Variants in NTSR2 observed in about 807,000 individuals in gnomAD.
NTSR2 encodes the protein neurotensin receptor type 2.
In NTSR2, 22 loss-of-function variants were observed where a neutral mutation model predicts 24.1. The observed-to-expected ratio is 0.91, with a 90% confidence interval of 0.65 to 1.30. NTSR2 has a LOEUF of 1.30. Ranked by LOEUF, NTSR2 falls within the 50% of genes most tolerant of loss-of-function variation. The pLI is 0.00. For missense variants in NTSR2, 570 were observed against 570.4 expected (o/e 1.00, Z 0.01); for synonymous variants, 291 against 267.0 (o/e 1.09, Z -0.88).
chr2:11,660,671 G>C (rs986744584), intron 2 of NTSR2, among the ~76,000 whole-genome samples: 1 of 152,134 alleles, frequency 6.6e-6, no homozygotes, highest in African/African-American at 2.4e-5. Context: ...AACCTGGAAG[G>C]AGGAGGTTGC....
intron 1 of NTSR2, among the ~76,000 whole-genome samples, chr2:11,663,063 A>T (rs1474083447): frequency 6.6e-6 from 1 of 152,240 alleles, no homozygotes; most frequent in African/African-American, 2.4e-5. Context: ...TTGTGAGAAA[A>T]ATGGCTTCCA....
intron 1 of NTSR2, 46 bp downstream of exon 1, chr2:11,669,460 G>GGGGGGGGGGGCCCCCCCCCCCCCC: frequency 7.9e-6 from 2 of 254,726 alleles, no homozygotes; most frequent in Non-Finnish European, 6.9e-6. Flanking sequence ...TCCCAGCACC[G>GGGGGGGGGGGCCCCCCCCCCCCCC]CCCCCCCACC....
intron 3 of NTSR2, among the ~76,000 whole-genome samples, chr2:11,659,756 C>G (rs939492206): frequency 6.6e-6 from 1 of 152,198 alleles, no homozygotes; most frequent in Non-Finnish European, 1.5e-5. Flanking sequence ...AAGCATGGCC[C>G]GTGCTCCCTC....
In NTSR2 at chr2:11,669,865, C is replaced by T. The variant is rs1201578378; in HGVS notation, c.265G>A (p.Val89Met). The change falls in exon 1 of 4, where the codon GTG becomes ATG. Residue 89 changes from valine (V) to methionine (M), a missense_variant. Coordinates refer to ENST00000306928, the MANE Select transcript of NTSR2 (RefSeq NM_012344.4). ...AACCACACGAAGCTGTAGAGCTCCACCGGCACGCCGACCAGCAGCAGCAGC... is the reference window on the plus strand; with the variant it reads ...AACCACACGAAGCTGTAGAGCTCCATCGGCACGCCGACCAGCAGCAGCAGC... The part of the protein sequence containing the change: ...GLLLLLVGVP[V>M]ELYSFVWFHY... The T allele has an allele frequency of 5.0e-6, 8 of 1,585,614 alleles. No individual in the cohort carries two copies. Among genetic ancestry groups the T allele is most frequent in the Middle Eastern group, 1.9e-4 (1 of 5,350 alleles).
At chr2:11,669,460 G>GGGGGGGGGGGGGGGCCCCCCCCCCC in intron 1 of NTSR2, 46 bp downstream of exon 1, 18 of 254,706 alleles carry the variant, frequency 7.1e-5, no homozygotes, top group Non-Finnish European at 9.0e-5. Flanking sequence ...TCCCAGCACC[G>GGGGGGGGGGGGGGGCCCCCCCCCCC]CCCCCCCACC....
At chr2:11,669,460 G>GGGGGGGGGGGGGGGGGGGCCCCCCCCCC in intron 1 of NTSR2, 46 bp downstream of exon 1, 1 of 254,726 alleles carries the variant, frequency 3.9e-6, no homozygotes, top group Non-Finnish European at 6.9e-6. Flanking sequence ...TCCCAGCACC[G>GGGGGGGGGGGGGGGGGGGCCCCCCCCCC]CCCCCCCACC....
At chr2:11,662,615 A>G (rs1419141721) in intron 1 of NTSR2, among the ~76,000 whole-genome samples, 3 of 152,176 alleles carry the variant, frequency 2.0e-5, no homozygotes, top group African/African-American at 7.2e-5. Context: ...CCCTGTCTCT[A>G]CTAAAAATAC....
At chr2:11,664,582 GT>G (rs1661154675) in intron 1 of NTSR2, among the ~76,000 whole-genome samples, 1 of 152,122 alleles carries the variant, frequency 6.6e-6, no homozygotes, top group East Asian at 1.9e-4. Context: ...CATCAATTTA[GT>G]TTGTTGACGA....
In NTSR2 at chr2:11,658,641, G is replaced by A. The variant is rs1285963974; in HGVS notation, c.1071C>T (p.Leu357=). 2.5e-6 allele frequency: 4 copies of A among 1,614,064 alleles called. No individual in the cohort carries two copies. The East Asian group carries it at 6.7e-5, about 27-fold the overall frequency. The change falls in exon 4 of 4, where the codon CTC becomes CTT. Residue 357 remains leucine (L), a synonymous_variant. Transcript: ENST00000306928. ...FYVSSAVTPL[L]YNAVSSSFRK... Reference sequence around the variant, plus strand: ...TGAAGGAGGAGGACACGGCGTTGTAGAGAAGAGGAGTCACAGCTGAGCTGA... The same window carrying A: ...TGAAGGAGGAGGACACGGCGTTGTAAAGAAGAGGAGTCACAGCTGAGCTGA...
chr2:11,662,520 G>A (rs750646138), intron 1 of NTSR2, among the ~76,000 whole-genome samples: 1 of 152,178 alleles, frequency 6.6e-6, no homozygotes, highest in African/African-American at 2.4e-5. Flanking sequence ...GGTGACTCAC[G>A]CCTGTAATCC....
In NTSR2 at chr2:11,669,867, G is replaced by C. The variant is rs1441078031; in HGVS notation, c.263C>G (p.Pro88Arg). ...CCACACGAAGCTGTAGAGCTCCACCGGCACGCCGACCAGCAGCAGCAGCAG... is the reference window on the plus strand; with the variant it reads ...CCACACGAAGCTGTAGAGCTCCACCCGCACGCCGACCAGCAGCAGCAGCAG... ...AGLLLLLVGVPVELYSFVWFH... is the reference protein window; with the variant it reads ...AGLLLLLVGVRVELYSFVWFH... The change falls in exon 1 of 4, where the codon CCG becomes CGG. Residue 88 changes from proline to arginine, a missense_variant. Physicochemically the swap from Pro to Arg is moderately radical, Grantham distance 103. Coordinates refer to ENST00000306928, the MANE Select transcript of NTSR2 (RefSeq NM_012344.4). 5 of 1,585,558 alleles carry C rather than the reference G, an allele frequency of 3.2e-6. No individual in the cohort carries two copies. Among genetic ancestry groups the C allele is most frequent in the East Asian group, 2.3e-5 (1 of 44,006 alleles).
chr2:11,665,138 C>T (rs1240873558), intron 1 of NTSR2, among the ~76,000 whole-genome samples: 1 of 138,622 alleles, frequency 7.2e-6, no homozygotes, highest in African/African-American at 2.8e-5. Context: ...CAGACTGTGA[C>T]AAGTGGTGGA....
intron 1 of NTSR2, among the ~76,000 whole-genome samples, chr2:11,663,715 T>C (rs947412492): frequency 6.6e-6 from 1 of 152,162 alleles, no homozygotes; most frequent in African/African-American, 2.4e-5. Context: ...CCAGTGTGTG[T>C]TGAGGTGATG....
Position 11,658,667 on chromosome 2 carries a change from C to T in NTSR2, c.1045G>A (p.Val349Ile), listed in dbSNP as rs761171380. The T allele has an allele frequency of 2.2e-5, 36 of 1,613,874 alleles. No homozygotes were observed. In the Middle Eastern group the frequency reaches 4.9e-4, roughly 22 times the overall value. Residue 349 changes from valine to isoleucine, a missense_variant, in exon 4 of 4, where the codon GTC (valine) becomes ATC (isoleucine). Physicochemically the swap from Val to Ile is conservative, Grantham distance 29. Coordinates refer to ENST00000306928, the MANE Select transcript of NTSR2 (RefSeq NM_012344.4). ...AGAAGAGGAGTCACAGCTGAGCTGA[C>T]GTAGAAAAGTGTGTTGGTCACCATG... ...FYMVTNTLFY[V>I]SSAVTPLLYN...
chr2:11,661,961 CTT>C lies in NTSR2; in HGVS notation c.898+4_898+5del. 1.3e-6 allele frequency: 2 copies of C among 1,571,890 alleles called. No individual in the cohort carries two copies. The highest frequency in any genetic ancestry group is 1.7e-6 in the Non-Finnish European group (2 of 1,158,802). ...TCTTCTGGGGTGATGTTACAGAGGA[CTT>C]AACTGAGAACCTGGACGCTGCGCTG... On this transcript the variant is annotated splice_donor_5th_base_variant and intron_variant, in intron 2 of 3. Coordinates refer to ENST00000306928, the MANE Select transcript of NTSR2 (RefSeq NM_012344.4).
At chr2:11,669,459 C>CGGGGGGGGGGGCGG in intron 1 of NTSR2, 47 bp downstream of exon 1, 1 of 337,896 alleles carries the variant, frequency 3.0e-6, no homozygotes, top group Non-Finnish European at 5.3e-6. Context: ...CTCCCAGCAC[C>CGGGGGGGGGGGCGG]GCCCCCCCAC....
At chr2:11,661,265 T>A (rs1019703362) in intron 2 of NTSR2, among the ~76,000 whole-genome samples, 1 of 152,264 alleles carries the variant, frequency 6.6e-6, no homozygotes, top group Non-Finnish European at 1.5e-5. Context: ...CCGTCACTTA[T>A]GGACATCAAC....
intron 1 of NTSR2, among the ~76,000 whole-genome samples, chr2:11,663,697 G>A (rs1661131918): frequency 6.6e-6 from 1 of 152,206 alleles, no homozygotes; most frequent in African/African-American, 2.4e-5. Context: ...ACTGGAAGGA[G>A]GATGGGGCCA....
chr2:11,662,441 C>T (rs760476867), intron 1 of NTSR2, among the ~76,000 whole-genome samples: 1 of 151,672 alleles, frequency 6.6e-6, no homozygotes, highest in Admixed American at 6.6e-5. Context: ...ATAGGGGTTC[C>T]AGGAAGAAAA....
Sources: gnomAD v4.1 joint callset for allele counts (sites outside exome capture counted in the v4.1 genomes callset) on GRCh38, gnomAD v4.1.1 for gene constraint, MANE v1.5 for transcripts, NCBI Gene and HGNC (gene_info 2026-07-23, HGNC 2026-07-21) for gene names.